The following EPRS1 variants were observed in gnomAD, a reference collection of about 807,000 sequenced individuals.
EPRS1 encodes the protein glutamyl-prolyl-tRNA synthetase 1.
EPRS1 carries 107 observed loss-of-function variants against 188.3 expected under a neutral mutation model. The ratio of observed to expected loss-of-function variants is 0.57; its 90% CI spans 0.49 to 0.67. The LOEUF (loss-of-function observed/expected upper bound fraction) is 0.67, where lower values mean the gene tolerates loss of function less well. EPRS1 is among the 30% of genes least tolerant of loss of function. The pLI, the probability that EPRS1 is intolerant of heterozygous loss-of-function variation, is 0.00. For synonymous variants in EPRS1, 596 were observed against 593.1 expected (o/e 1.00, Z -0.07); for missense variants, 1,577 against 1,802.2 (o/e 0.88, Z 2.26).
At chr1:219,970,950 A>C (rs1403753712) in intron 30 of EPRS1, among the ~76,000 whole-genome samples, 1 of 152,200 alleles carries the variant, frequency 6.6e-6, no homozygotes, top group Non-Finnish European at 1.5e-5. Context: ...CAGAATAGTA[A>C]AATGAAAGCC....
In EPRS1 at chr1:219,978,648, G is replaced by C; in HGVS notation, c.3981C>G (p.Cys1327Trp). 1 of 1,612,312 alleles carries C rather than the reference G, an allele frequency of 6.2e-7. No individual in the cohort carries two copies. The highest frequency in any genetic ancestry group is 2.2e-5 in the East Asian group (1 of 44,782). Residue 1327 changes from cysteine (C) to tryptophan (W), a missense_variant, in exon 28 of 32, where the codon TGC (cysteine) becomes TGG (tryptophan). Physicochemically the swap from Cys to Trp is radical, Grantham distance 215. This residue lies in a region of EPRS1 where 296 missense variants were observed against 327.9 expected (regional missense o/e 0.90). Transcript: ENST00000366923. Reference sequence around the variant, plus strand: ...TGAGTAATCGCCTTCGATAATCATTGCATTTTGCAATCAGCGCTTCTTTGT... The same window carrying C: ...TGAGTAATCGCCTTCGATAATCATTCCATTTTGCAATCAGCGCTTCTTTGT... ...EEDKEALIAKCNDYRRRLLSV... is the reference protein window; with the variant it reads ...EEDKEALIAKWNDYRRRLLSV...
intron 9 of EPRS1, among the ~76,000 whole-genome samples, chr1:220,021,881 G>T (rs370681344): frequency 5.1e-4 from 77 of 151,042 alleles, no homozygotes; most frequent in African/African-American, 1.8e-3. Flanking sequence ...TTTGGAAAAG[G>T]TCCATTTAAA....
chr1:219,969,848 T>C (rs890851529), intron 30 of EPRS1, among the ~76,000 whole-genome samples: 5 of 152,088 alleles, frequency 3.3e-5, no homozygotes, highest in African/African-American at 1.2e-4. Context: ...TGAGACACAG[T>C]CTTACTCTGT....
chr1:219,978,883 C>G (rs779027989), intron 27 of EPRS1, among the ~76,000 whole-genome samples, 164 bp from the exon 28 acceptor site: 10 of 152,018 alleles, frequency 6.6e-5, no homozygotes, highest in Non-Finnish European at 1.3e-4. Context: ...ATCACTTACC[C>G]GTGCTAAATG....
chr1:219,982,116 A>T (rs1660911158), intron 23 of EPRS1, among the ~76,000 whole-genome samples: 1 of 152,252 alleles, frequency 6.6e-6, no homozygotes, highest in African/African-American at 2.4e-5. Flanking sequence ...AATGTATTAT[A>T]CAAAAGTATC....
Position 220,019,973 on chromosome 1 carries a change from T to C in EPRS1, c.1349+15A>G, listed in dbSNP as rs764352619. ...GTCCTTACTTCTTGTCAATTCTAAG[T>C]AACATTAAACATACCATCCATCTAC... is the stretch of plus-strand genomic sequence containing the variant. On this transcript the variant is annotated intron_variant, in intron 10 of 31. Coordinates refer to ENST00000366923, the MANE Select transcript of EPRS1 (RefSeq NM_004446.3). The C allele has an allele frequency of 2.6e-5, 40 of 1,537,204 alleles. No homozygotes were observed. Among genetic ancestry groups the C allele is most frequent in the Non-Finnish European group, 3.4e-5 (38 of 1,110,958 alleles).
Position 219,997,286 on chromosome 1 carries a change from T to G in EPRS1, c.2238A>C (p.Thr746=). The change falls in exon 18 of 32, where the codon ACA becomes ACC. Residue 746 remains threonine (T), a synonymous_variant. Transcript: ENST00000366923. The stretch of plus-strand genomic sequence containing the variant: ...TGTAAAGGACCAAGGAATCCTCAGA[T>G]GTAGTACAATTATTATTCAGAGAAG... ...PTPSLNNNCT[T]SEDSLVLYNR... 6.2e-7 allele frequency: 1 copy of G among 1,613,368 alleles called. No homozygotes were observed. The highest frequency in any genetic ancestry group is 1.1e-5 in the South Asian group (1 of 90,976).
chr1:220,011,311 C>A (rs1042237665), intron 12 of EPRS1, among the ~76,000 whole-genome samples: 1 of 152,068 alleles, frequency 6.6e-6, no homozygotes, highest in African/African-American at 2.4e-5. Flanking sequence ...CCAATTAAAG[C>A]ATAATATTAG....
At position 219,973,255 on chromosome 1, in the gene EPRS1, C is replaced by T. The variant is rs1427110349; in HGVS notation, c.4227G>A (p.Gln1409=). ...GAAACTACCTTGTGAAAAGGGTGAC[C>T]TGGATGTCTTCCAAAATAGCTTGAA... The part of the protein sequence containing the change: ...TKLQAILEDI[Q]VTLFTRASED... The change falls in exon 29 of 32, where the codon CAG becomes CAA. Residue 1409 remains glutamine, a synonymous_variant. Coordinates refer to ENST00000366923, the MANE Select transcript of EPRS1 (RefSeq NM_004446.3). 1.5e-5 allele frequency: 24 copies of T among 1,612,628 alleles called. No homozygotes were observed. The highest frequency in any genetic ancestry group is 2.0e-5 in the Non-Finnish European group (24 of 1,179,468).
rs1171869549 is a variant in EPRS1 at position 220,022,496 on chromosome 1, C to T, written c.966G>A (p.Met322Ile). 3 of 1,613,316 alleles carry T rather than the reference C, an allele frequency of 1.9e-6. No individual in the cohort carries two copies. Among genetic ancestry groups the T allele is most frequent in the Non-Finnish European group, 2.5e-6 (3 of 1,179,650 alleles). Residue 322 changes from methionine to isoleucine, a missense_variant, in exon 9 of 32, where the codon ATG (methionine) becomes ATA (isoleucine). Physicochemically the swap from Met to Ile is conservative, Grantham distance 10. Around this residue, in one of 3 missense-constraint regions of EPRS1, gnomAD observed 1,278 missense variants for 1,457.4 expected, o/e 0.88. Transcript: ENST00000366923. ...GGCTCCCTTTTTTCATTTCTTCCCA[C>T]ATTTGTAGATTCTTCTCAATAGCTA... ...RKNPIEKNLQ[M>I]WEEMKKGSQF...
intron 12 of EPRS1, among the ~76,000 whole-genome samples, chr1:220,014,189 G>A (rs552060986): frequency 3.3e-5 from 5 of 151,998 alleles, no homozygotes; most frequent in South Asian, 2.1e-4. Flanking sequence ...TTAGCTGGGC[G>A]TGGTGGCAGG....
chr1:220,004,954 T>C (rs951087746), intron 16 of EPRS1, among the ~76,000 whole-genome samples: 2 of 152,150 alleles, frequency 1.3e-5, no homozygotes, highest in African/African-American at 4.8e-5. Context: ...CACCCAAAGA[T>C]AGGTAATATA....
rs1255710069 is a variant in EPRS1, at chr1:219,988,695, A to T, written c.2670T>A (p.Asn890Lys). The T allele has an allele frequency of 5.0e-6, 8 of 1,614,010 alleles. No individual in the cohort carries two copies. The highest frequency in any genetic ancestry group is 6.8e-6 in the Non-Finnish European group (8 of 1,179,894). The change falls in exon 19 of 32, where the codon AAT becomes AAA. Residue 890 changes from asparagine (N) to lysine (K), a missense_variant. Asn to Lys is a moderately conservative substitution (Grantham distance 94, BLOSUM62 0). This residue lies in a region of EPRS1 where 1,278 missense variants were observed against 1,457.4 expected (regional missense o/e 0.88). Transcript: ENST00000366923. ...SQSSDSSPTR[N>K]SEPAGLETPE... ...GTGTTTCTAAACCAGCAGGTTCAGA[A>T]TTTCTGGTTGGGCTTGAATCCGAAC...
At chr1:219,992,146 T>C (rs1661135961) in intron 18 of EPRS1, among the ~76,000 whole-genome samples, 1 of 152,182 alleles carries the variant, frequency 6.6e-6, no homozygotes. Context: ...ACAACCTGCT[T>C]AATGGACAAA....
chr1:219,988,868 T>C, intron 18 of EPRS1, 45 bp from the exon 19 acceptor site: 1 of 1,267,496 alleles, frequency 7.9e-7, no homozygotes, highest in Non-Finnish European at 1.1e-6. Flanking sequence ...CTTTGGAAAT[T>C]TCTGGAAATT....
chr1:219,994,145 G>A (rs1399573435), intron 18 of EPRS1, among the ~76,000 whole-genome samples: 1 of 152,200 alleles, frequency 6.6e-6, no homozygotes, highest in Non-Finnish European at 1.5e-5. Flanking sequence ...CGAAGCCACT[G>A]TCTGTGTGGA....
chr1:220,039,850 G>T (rs1295415325), intron 2 of EPRS1, among the ~76,000 whole-genome samples: 1 of 152,202 alleles, frequency 6.6e-6, no homozygotes, highest in Non-Finnish European at 1.5e-5. Flanking sequence ...CCATTCAGAG[G>T]CCAAACGTGG....
chr1:220,033,419 G>A, intron 4 of EPRS1, 83 bp downstream of exon 4: 1 of 952,874 alleles, frequency 1.0e-6, no homozygotes. Flanking sequence ...ATACATACAT[G>A]CATACACACA....
rs1363769308 is a variant in EPRS1, at chr1:220,020,207, T to C, written c.1130A>G (p.Tyr377Cys). ...TGNKYNVYPTYDFACPIVDSI... is the reference protein window; with the variant it reads ...TGNKYNVYPTCDFACPIVDSI... The stretch of plus-strand genomic sequence containing the variant: ...GTCAACTATGGGGCAGGCAAAATCA[T>C]ATGTTGGATAAACACTAGAAAAAAA... Residue 377 changes from tyrosine to cysteine, a missense_variant, in exon 10 of 32, where the codon TAT (tyrosine) becomes TGT (cysteine). By Grantham distance (194) the Tyr-to-Cys change is radical. Transcript: ENST00000366923. 6.2e-7 allele frequency: 1 copy of C among 1,609,980 alleles called. No homozygotes were observed. Among genetic ancestry groups the C allele is most frequent in the Non-Finnish European group, 8.5e-7 (1 of 1,177,070 alleles).
Sources: allele counts gnomAD v4.1 joint callset (sites outside exome capture counted in the v4.1 genomes callset), GRCh38; gene constraint gnomAD v4.1.1; regional missense constraint gnomAD v4.1.1; transcripts MANE v1.5; gene names NCBI Gene and HGNC (gene_info 2026-07-23, HGNC 2026-07-21).